The following LYPD1 variants were observed in gnomAD, a reference collection of about 807,000 sequenced individuals.
LYPD1 encodes ly6/PLAUR domain-containing protein 1.
Under a neutral mutation model 14.2 loss-of-function variants are expected in LYPD1, and 14 were observed. That is an observed-to-expected ratio of 0.99 (90% confidence interval 0.65 to 1.54). The LOEUF (loss-of-function observed/expected upper bound fraction) is 1.54. Among genes scored for constraint, LYPD1 ranks in the 40% most tolerant of loss-of-function variants. The pLI, the probability that LYPD1 is intolerant of heterozygous loss-of-function variation, is 0.00. For synonymous variants in LYPD1, 85 were observed against 70.6 expected (o/e 1.20, Z -1.02); for missense variants, 165 against 175.7 (o/e 0.94, Z 0.34).
intron 2 of LYPD1, chr2:132,666,539 G>C (rs1351253011): frequency 1.3e-5 from 2 of 152,164 alleles, no homozygotes; most frequent in Non-Finnish European, 2.9e-5. Context: ...AGAGGGGCCT[G>C]GTTTGGAGAC....
rs1558873730 is a variant in LYPD1, at chr2:132,647,137, T to TCAGA, written c.191-861_191-858dup. 3.3e-5 allele frequency among the ~76,000 whole-genome samples: 5 copies of TCAGA among 152,214 alleles called. No individual in the cohort carries two copies. In the South Asian group the frequency reaches 1.0e-3, roughly 32 times the overall value. On this transcript the variant is annotated intron_variant, in intron 2 of 2. Transcript: ENST00000397463. Reference sequence around the variant, plus strand: ...TCCCTGTCTGTCTCCCAGGCACTATTCAGACACCCTTAGCGTGTCAGCTTC... The same window carrying TCAGA: ...TCCCTGTCTGTCTCCCAGGCACTATTCAGACAGACACCCTTAGCGTGTCAGCTTC...
intron 2 of LYPD1, among the ~76,000 whole-genome samples, chr2:132,656,331 C>G (rs772338943): frequency 5.9e-5 from 9 of 152,204 alleles, no homozygotes; most frequent in Non-Finnish European, 1.0e-4. Flanking sequence ...GGGAGTGAGA[C>G]TTCCCTACTG....
intron 2 of LYPD1, among the ~76,000 whole-genome samples, chr2:132,655,554 G>C (rs893509954): frequency 7.7e-6 from 1 of 129,248 alleles, no homozygotes; most frequent in Non-Finnish European, 1.5e-5. Flanking sequence ...TCGCTCTGTC[G>C]CCCAGGCTGG....
intron 2 of LYPD1, among the ~76,000 whole-genome samples, chr2:132,649,981 ACT>A (rs572357934): frequency 9.9e-5 from 15 of 152,262 alleles, no homozygotes; most frequent in East Asian, 3.9e-4. Context: ...ACACCCACAA[ACT>A]CTGCCTAATA....
At chr2:132,646,437 T>C (rs1019127157) in intron 2 of LYPD1, 157 bp from the exon 3 acceptor site, 4 of 423,416 alleles carry the variant, frequency 9.4e-6, no homozygotes, top group Non-Finnish European at 1.7e-5. Flanking sequence ...CTCATTGATA[T>C]TCAAGATAGA....
chr2:132,646,364 G>T, intron 2 of LYPD1, 84 bp from the exon 3 acceptor site: 1 of 920,636 alleles, frequency 1.1e-6, no homozygotes, highest in Non-Finnish European at 1.5e-6. Flanking sequence ...CAAACGGACA[G>T]CTCTTCCTTA....
chr2:132,670,956 G>A (rs1040976696), upstream of LYPD1, among the ~76,000 whole-genome samples: 6 of 152,162 alleles, frequency 3.9e-5, no homozygotes, highest in African/African-American at 1.4e-4. This position sits in a 1 kb window ranked among gnomAD's most constrained non-coding sequence, Gnocchi z 4.5. Context: ...CTGCCGTGAG[G>A]TCCTACCAGA....
chr2:132,648,826 G>A (rs1343750013), intron 2 of LYPD1, among the ~76,000 whole-genome samples: 2 of 152,116 alleles, frequency 1.3e-5, no homozygotes, highest in African/African-American at 4.8e-5. Flanking sequence ...GATGTTCCAA[G>A]AGGGAGGATG....
rs569518465 is a variant in LYPD1, at chr2:132,668,629, C to G, written c.53-92G>C. Reference sequence around the variant, plus strand: ...TCCCACGCCTCAGAGCCAGGCGGCTCCCAGCCTCTGGCAGGCTTAGACCAC... The same window carrying G: ...TCCCACGCCTCAGAGCCAGGCGGCTGCCAGCCTCTGGCAGGCTTAGACCAC... On this transcript the variant is annotated intron_variant, in intron 1 of 2. Transcript: ENST00000397463. The G allele has an allele frequency of 2.0e-6, 3 of 1,527,140 alleles. No homozygotes were observed. The South Asian group carries it at 3.6e-5, about 18-fold the overall frequency. The allele number at this position is 1,527,140 out of a possible 1,614,324, so 94.6% of individuals were successfully genotyped here. A position where few individuals can be genotyped will look rare whatever the true frequency, so the allele number is the denominator to read the frequency against.
At chr2:132,656,252 C>T (rs1042615830) in intron 2 of LYPD1, among the ~76,000 whole-genome samples, 8 of 152,110 alleles carry the variant, frequency 5.3e-5, no homozygotes, top group Admixed American at 5.2e-4. Flanking sequence ...TACTTTTTAC[C>T]CATGTTATGC....
At position 132,643,462 on chromosome 2, in the gene LYPD1, C is replaced by G. The variant is rs138965625; in HGVS notation, c.*2583G>C. ...CAGGCAAGGAATACTCAGGCCAGTG[C>G]ATACAGGAGGCTCAATTCTGGATGT... On this transcript the variant is annotated 3_prime_UTR_variant, in exon 3 of 3. Transcript: ENST00000397463. Among the ~76,000 whole-genome samples the G allele has an allele frequency of 5.9e-3, 904 of 152,300 alleles. 7 individuals are homozygous for G. Among genetic ancestry groups the G allele is most frequent in the African/African-American group, 0.021 (863 of 41,570 alleles).
chr2:132,657,852 T>A (rs1317852253), intron 2 of LYPD1, among the ~76,000 whole-genome samples: 1 of 152,182 alleles, frequency 6.6e-6, no homozygotes, highest in Non-Finnish European at 1.5e-5. Flanking sequence ...AAATTATCCC[T>A]GTCCTTTTTC....
At chr2:132,655,806 A>C (rs970780312) in intron 2 of LYPD1, among the ~76,000 whole-genome samples, 2 of 152,062 alleles carry the variant, frequency 1.3e-5, no homozygotes, top group African/African-American at 4.8e-5. Context: ...GAGCCACCGC[A>C]CCTGGCCAAG....
At chr2:132,670,801 T>C (rs13002967), upstream of LYPD1, among the ~76,000 whole-genome samples, 5,686 of 152,188 alleles carry the variant, frequency 0.037, 149 homozygotes, top group Non-Finnish European at 0.058. The surrounding 1 kb of genome is among the most constrained non-coding windows in gnomAD (Gnocchi z 4.5). Context: ...GCGTGGCCAA[T>C]CTGGGTGGGG....
At chr2:132,655,513 C>CTTTTTTTTTTTT (rs1558879316) in intron 2 of LYPD1, among the ~76,000 whole-genome samples, 1 of 61,016 alleles carries the variant, frequency 1.6e-5, no homozygotes, top group African/African-American at 1.2e-4. Context: ...GGTTGAGAAG[C>CTTTTTTTTTTTT]ATTTTTTTTT....
At chr2:132,666,816 C>T (rs549453271) in intron 2 of LYPD1, 1 of 152,258 alleles carries the variant, frequency 6.6e-6, no homozygotes, top group African/African-American at 2.4e-5. Context: ...AGCTTACATC[C>T]CCTTCTCAAC....
chr2:132,656,398 T>C (rs965167829), intron 2 of LYPD1, among the ~76,000 whole-genome samples: 1 of 152,206 alleles, frequency 6.6e-6, no homozygotes, highest in Non-Finnish European at 1.5e-5. Context: ...ATAAATATTC[T>C]ATGCAGGACT....
In LYPD1 at chr2:132,669,150, C is replaced by A. The variant is rs1676474590; in HGVS notation, c.53-613G>T. Among the ~76,000 whole-genome samples the A allele has an allele frequency of 1.3e-5, 2 of 152,228 alleles. No homozygotes were observed. The highest frequency in any genetic ancestry group is 1.3e-4 in the Admixed American group (2 of 15,304). Reference sequence around the variant, plus strand: ...CCCTTCTCCGGGGCCGTCCCCGCGGCGACCCGAATGGCCACAGAGGGTGGG... The same window carrying A: ...CCCTTCTCCGGGGCCGTCCCCGCGGAGACCCGAATGGCCACAGAGGGTGGG... On this transcript the variant is annotated intron_variant, in intron 1 of 2. Coordinates refer to ENST00000397463, the MANE Select transcript of LYPD1 (RefSeq NM_144586.7). The surrounding 1 kb of genome is among the most constrained non-coding windows in gnomAD (Gnocchi z 4.3).
In LYPD1 at chr2:132,645,254, C is replaced by T. The variant is rs377006153; in HGVS notation, c.*791G>A. The T allele has an allele frequency of 3.7e-6, 6 of 1,614,064 alleles. No individual in the cohort carries two copies. In the African/African-American group the frequency reaches 5.3e-5, roughly 14 times the overall value. ...TCGGAGACGTTTTTCTACCTCAGCT[C>T]GGTCATCAACCCGCTCCTGTACACG... On this transcript the variant is annotated 3_prime_UTR_variant, in exon 3 of 3. Transcript: ENST00000397463.
Sources: allele counts gnomAD v4.1 joint callset (sites outside exome capture counted in the v4.1 genomes callset), GRCh38; gene constraint gnomAD v4.1.1; non-coding constraint Gnocchi (gnomAD v3.1); transcripts MANE v1.5; gene names NCBI Gene and HGNC (gene_info 2026-07-23, HGNC 2026-07-21).